CSMD1: variants seen among roughly 807,000 people sequenced by gnomAD.
CSMD1 encodes CUB and Sushi multiple domains 1.
In CSMD1, 213 loss-of-function variants were observed where a neutral mutation model predicts 417.5. That is an observed-to-expected ratio of 0.51 (90% CI 0.46 to 0.57). The LOEUF (loss-of-function observed/expected upper bound fraction) is 0.57. Ranked by LOEUF, CSMD1 falls within the 20% of genes least tolerant of loss-of-function variation. The probability of loss-of-function intolerance (pLI) is 0.00; values close to 1 mark genes in which losing one functional copy is unlikely to be tolerated. For synonymous variants in CSMD1, 2,862 were observed against 1,736.8 expected, an observed-to-expected ratio of 1.65 and a Z score of -16.11; for missense variants, 6,923 against 4,529.7, an observed-to-expected ratio of 1.53 and a Z score of -15.17.
At chr8:4,004,273 C>A (rs531764837) in intron 4 of CSMD1, among the ~76,000 whole-genome samples, 2 of 152,188 alleles carry the variant, frequency 1.3e-5, no homozygotes, top group East Asian at 3.9e-4. Flanking sequence ...CAGTAACATT[C>A]ATGAATAATG....
At chr8:3,524,695 G>C (rs1374162078) in intron 10 of CSMD1, among the ~76,000 whole-genome samples, 2 of 133,128 alleles carry the variant, frequency 1.5e-5, no homozygotes, top group Admixed American at 7.5e-5. Flanking sequence ...GCACCAAAGA[G>C]ACGTGCACAC....
At chr8:3,033,626 C>A (rs1563260140) in intron 50 of CSMD1, among the ~76,000 whole-genome samples, 1 of 150,358 alleles carries the variant, frequency 6.7e-6, no homozygotes, top group African/African-American at 2.4e-5. Flanking sequence ...GGAGGGAGAG[C>A]ATTAGGACAA....
intron 1 of CSMD1, chr8:4,788,324 G>C (rs1259087816): frequency 1.3e-6 from 2 of 1,564,304 alleles, no homozygotes; most frequent in African/African-American, 2.7e-5. Flanking sequence ...TGGGACCAGT[G>C]ATGTCTGGGA....
intron 1 of CSMD1, among the ~76,000 whole-genome samples, chr8:4,796,972 G>A (rs1798013926): frequency 6.6e-6 from 1 of 152,160 alleles, no homozygotes; most frequent in Admixed American, 6.5e-5. Flanking sequence ...CTGGTCATCA[G>A]GCCTTTGTAA....
intron 1 of CSMD1, among the ~76,000 whole-genome samples, chr8:4,777,358 T>C (rs756810684): frequency 5.9e-5 from 9 of 152,232 alleles, no homozygotes; most frequent in Admixed American, 3.3e-4. Context: ...AGATGAGATG[T>C]CTGGTTTTGA....
At chr8:3,626,927 G>C (rs935981198) in intron 7 of CSMD1, among the ~76,000 whole-genome samples, 3 of 150,656 alleles carry the variant, frequency 2.0e-5, no homozygotes, top group Non-Finnish European at 3.0e-5. Context: ...TTAAATATTA[G>C]TATATTATAC....
intron 11 of CSMD1, among the ~76,000 whole-genome samples, chr8:3,477,412 G>C (rs1313761752): frequency 6.6e-6 from 1 of 152,196 alleles, no homozygotes; most frequent in Admixed American, 6.5e-5. Flanking sequence ...TGTTCAGAAT[G>C]TGGAGAAAGC....
intron 4 of CSMD1, among the ~76,000 whole-genome samples, chr8:4,003,235 C>T (rs1208346714): frequency 1.3e-5 from 2 of 151,688 alleles, no homozygotes; most frequent in Non-Finnish European, 2.9e-5. Context: ...CTACTAAAAA[C>T]ACATAAAAGT....
At chr8:3,275,250 A>G (rs1299561587) in intron 26 of CSMD1, among the ~76,000 whole-genome samples, 1 of 152,178 alleles carries the variant, frequency 6.6e-6, no homozygotes, top group Admixed American at 6.5e-5. Flanking sequence ...AATGTTGAAT[A>G]TTGGCCACCG....
intron 42 of CSMD1, among the ~76,000 whole-genome samples, chr8:3,115,378 T>C (rs901274236): frequency 3.9e-5 from 6 of 152,074 alleles, no homozygotes; most frequent in Non-Finnish European, 7.3e-5. Context: ...AGTTTTGTAT[T>C]TTTAGTAGAG....
chr8:3,205,426 A>G (rs1337589126), intron 31 of CSMD1, 78 bp downstream of exon 31: 2 of 745,160 alleles, frequency 2.7e-6, no homozygotes, highest in Non-Finnish European at 4.4e-6. Context: ...GCTCTAGCAT[A>G]CTTGTTTATC....
intron 7 of CSMD1, among the ~76,000 whole-genome samples, chr8:3,668,443 G>C (rs946546269): frequency 2.6e-5 from 4 of 152,060 alleles, no homozygotes; most frequent in African/African-American, 7.2e-5. Flanking sequence ...AAGAGATGAG[G>C]GTTTATTCAG....
chr8:3,513,959 A>T (rs1797183364), intron 10 of CSMD1, among the ~76,000 whole-genome samples: 1 of 152,224 alleles, frequency 6.6e-6, no homozygotes, highest in Admixed American at 6.5e-5. Flanking sequence ...GGTACTTGTA[A>T]TAAGAAAACA....
chr8:4,787,337 G>A lies in CSMD1; in HGVS notation c.86-149779C>T, dbSNP rs531151821. On this transcript the variant is annotated intron_variant, in intron 1 of 69. Transcript: ENST00000635120. ...CCCTCAGCCCACTCAGGATAATGGC[G>A]ACAGCTGAGGTACTGAACACTGGTA... 9.1e-4 allele frequency: 666 copies of A among 731,964 alleles called. 12 individuals are homozygous for A. The South Asian group carries it at 9.5e-3, about 10-fold the overall frequency. The allele number at this position is 731,964 out of a possible 1,614,324, so 45.3% of individuals were successfully genotyped here.
At chr8:4,047,598 T>C (rs1412716284) in intron 3 of CSMD1, among the ~76,000 whole-genome samples, 1 of 152,160 alleles carries the variant, frequency 6.6e-6, no homozygotes, top group African/African-American at 2.4e-5. Context: ...ATGCGTATTA[T>C]GTGTGGAATA....
intron 36 of CSMD1, among the ~76,000 whole-genome samples, chr8:3,182,465 T>G (rs1042833560): frequency 1.3e-5 from 2 of 152,050 alleles, no homozygotes; most frequent in Non-Finnish European, 2.9e-5. Flanking sequence ...TCTGCTTGCC[T>G]CGGCCTCCCA....
In CSMD1 at chr8:4,788,690, A is replaced by G. The variant is rs1341465347; in HGVS notation, c.86-151132T>C. 4 of 551,574 alleles carry G rather than the reference A, an allele frequency of 7.3e-6. No homozygotes were observed. In the East Asian group the frequency reaches 8.4e-5, roughly 12 times the overall value. 34.2% of individuals were successfully genotyped at this position (551,574 alleles called of 1,614,324 possible). On this transcript the variant is annotated intron_variant, in intron 1 of 69. Transcript: ENST00000635120. ...AAGGTAATTATAAATTAGAGAACAC[A>G]AATAAAATGTATTAGTGAATCAATG...
intron 5 of CSMD1, among the ~76,000 whole-genome samples, chr8:3,785,021 A>G (rs149439559): frequency 6.6e-6 from 1 of 152,336 alleles, no homozygotes; most frequent in East Asian, 1.9e-4. Flanking sequence ...AGTTATAAGT[A>G]GAGGGAGGGA....
At chr8:4,943,896 G>T (rs1006693614) in intron 1 of CSMD1, among the ~76,000 whole-genome samples, 2 of 152,202 alleles carry the variant, frequency 1.3e-5, no homozygotes, top group African/African-American at 2.4e-5. Context: ...TTAAAGGTAC[G>T]CAGAATTGCG....
Sources: allele counts gnomAD v4.1 joint callset (sites outside exome capture counted in the v4.1 genomes callset), GRCh38; gene constraint gnomAD v4.1.1; transcripts MANE v1.5; gene names NCBI Gene and HGNC (gene_info 2026-07-23, HGNC 2026-07-21).